Variants in RIMS2 observed in about 807,000 individuals in gnomAD.
The protein encoded by RIMS2 is regulating synaptic membrane exocytosis 2.
In RIMS2, 59 loss-of-function variants were observed where a neutral mutation model predicts 174.4. The observed-to-expected ratio is 0.34, with a 90% CI of 0.27 to 0.42. The LOEUF (loss-of-function observed/expected upper bound fraction) is 0.42, where lower values mean the gene tolerates loss of function less well. Among genes scored for constraint, RIMS2 ranks in the 10% least tolerant of loss-of-function variants. The probability of loss-of-function intolerance (pLI) is 1.00; values close to 1 mark genes in which losing one functional copy is unlikely to be tolerated. For missense variants in RIMS2, 1,620 were observed against 1,666.3 expected, an observed-to-expected ratio of 0.97 and a Z score of 0.48; for synonymous variants, 606 against 572.5, an observed-to-expected ratio of 1.06 and a Z score of -0.84.
chr8:103,508,387 G>C (rs1824711545), intron 1 of RIMS2, among the ~76,000 whole-genome samples: 1 of 151,558 alleles, frequency 6.6e-6, no homozygotes, highest in African/African-American at 2.4e-5. Flanking sequence ...ATGTTAGCTG[G>C]GCAGATTGTT....
chr8:104,090,204 G>A (rs1448588254), intron 19 of RIMS2, among the ~76,000 whole-genome samples: 1 of 151,540 alleles, frequency 6.6e-6, no homozygotes, highest in East Asian at 1.9e-4. Context: ...TGTGAAAAAA[G>A]GCATAAAACT....
chr8:103,582,076 C>T (rs1292626283), intron 1 of RIMS2, among the ~76,000 whole-genome samples: 1 of 152,048 alleles, frequency 6.6e-6, no homozygotes, highest in African/African-American at 2.4e-5. Flanking sequence ...CTTTGTCTTG[C>T]ATTTAGAATA....
intron 10 of RIMS2, among the ~76,000 whole-genome samples, chr8:103,924,722 A>G (rs1450272210): frequency 2.0e-5 from 3 of 151,840 alleles, no homozygotes; most frequent in Non-Finnish European, 3.0e-5. Context: ...TAGAAAATAT[A>G]TACATATAAT....
At chr8:103,647,241 T>A in intron 1 of RIMS2, among the ~76,000 whole-genome samples, 1 of 152,202 alleles carries the variant, frequency 6.6e-6, no homozygotes, top group East Asian at 1.9e-4. Flanking sequence ...GCCAGTATAT[T>A]GCATTTATGT....
intron 1 of RIMS2, among the ~76,000 whole-genome samples, chr8:103,601,924 A>C (rs2133787022): frequency 6.6e-6 from 1 of 152,172 alleles, no homozygotes; most frequent in Admixed American, 6.5e-5. Flanking sequence ...AACTTGACAA[A>C]ATCTAATAAA....
chr8:103,898,383 T>A (rs1370307826), intron 4 of RIMS2, among the ~76,000 whole-genome samples: 1 of 151,630 alleles, frequency 6.6e-6, no homozygotes, highest in Admixed American at 6.6e-5. Flanking sequence ...GTTCTGGTCC[T>A]TCTTGATAGG....
intron 19 of RIMS2, among the ~76,000 whole-genome samples, chr8:104,101,793 T>C (rs75036122): frequency 0.017 from 2,643 of 151,950 alleles, 133 homozygotes; most frequent in East Asian, 0.15. Context: ...TTATGTATGC[T>C]GCTAAATTTA....
intron 1 of RIMS2, among the ~76,000 whole-genome samples, chr8:103,664,954 G>T (rs1018855035): frequency 1.3e-5 from 2 of 152,132 alleles, no homozygotes; most frequent in Non-Finnish European, 2.9e-5. Flanking sequence ...CCATAAAAAA[G>T]GATGAGTTCA....
At chr8:103,920,771 C>T (rs918801874) in intron 9 of RIMS2, 10 of 448,356 alleles carry the variant, frequency 2.2e-5, no homozygotes, top group Non-Finnish European at 4.5e-5. Flanking sequence ...GGGCGGATCA[C>T]GAGGTCAGGA....
intron 11 of RIMS2, among the ~76,000 whole-genome samples, chr8:103,929,161 A>T (rs62527117): frequency 0.2 from 29,800 of 151,614 alleles, 3,581 homozygotes; most frequent in Middle Eastern, 0.36. Flanking sequence ...TTTGTAATTT[A>T]TACTTTAGTA....
chr8:103,633,766 G>A (rs566469050), intron 1 of RIMS2, among the ~76,000 whole-genome samples: 2 of 152,150 alleles, frequency 1.3e-5, no homozygotes, highest in Admixed American at 6.5e-5. Flanking sequence ...TTGGAAGGGT[G>A]TATGTGTCCA....
At chr8:103,887,462 T>G (rs2099210695) in intron 4 of RIMS2, among the ~76,000 whole-genome samples, 1 of 151,628 alleles carries the variant, frequency 6.6e-6, no homozygotes, top group Non-Finnish European at 1.5e-5. Flanking sequence ...AGCTCTTTAT[T>G]CGCTTCCAAA....
chr8:103,767,496 A>G (rs1174597848), intron 3 of RIMS2, among the ~76,000 whole-genome samples: 1 of 151,838 alleles, frequency 6.6e-6, no homozygotes. Context: ...ATTTTTCTAT[A>G]CCTTATTTTT....
At chr8:103,636,688 T>C (rs1230878197) in intron 1 of RIMS2, among the ~76,000 whole-genome samples, 1 of 152,094 alleles carries the variant, frequency 6.6e-6, no homozygotes, top group African/African-American at 2.4e-5. Flanking sequence ...TGCTATTTAT[T>C]TGGCCCTTCC....
intron 1 of RIMS2, among the ~76,000 whole-genome samples, chr8:103,570,483 C>G (rs529669112): frequency 6.6e-6 from 1 of 152,174 alleles, no homozygotes; most frequent in Non-Finnish European, 1.5e-5. Context: ...TCCTCTGATG[C>G]TTTGCTTCTC....
At chr8:104,113,278 G>A (rs192617672) in intron 19 of RIMS2, among the ~76,000 whole-genome samples, 1 of 152,206 alleles carries the variant, frequency 6.6e-6, no homozygotes, top group East Asian at 1.9e-4. Context: ...GTATCTAAAT[G>A]TGATGAATGC....
intron 19 of RIMS2, among the ~76,000 whole-genome samples, chr8:104,167,188 A>T (rs567841571): frequency 7.9e-5 from 12 of 152,252 alleles, no homozygotes; most frequent in Non-Finnish European, 1.5e-4. Flanking sequence ...TCTTTAAGTA[A>T]TCTCCATACT....
intron 19 of RIMS2, among the ~76,000 whole-genome samples, chr8:104,127,753 A>C (rs2098443794): frequency 6.6e-6 from 1 of 152,222 alleles, no homozygotes; most frequent in African/African-American, 2.4e-5. Context: ...AATAAAAAAG[A>C]AATAGAAATA....
chr8:104,100,032 GCT>G (rs1274116238), intron 19 of RIMS2, among the ~76,000 whole-genome samples: 2 of 151,864 alleles, frequency 1.3e-5, no homozygotes, highest in African/African-American at 4.8e-5. Context: ...TGTTGCCTGG[GCT>G]GGTTTCGAAC....
Sources: allele counts gnomAD v4.1 joint callset (sites outside exome capture counted in the v4.1 genomes callset), GRCh38; gene constraint gnomAD v4.1.1; transcripts MANE v1.5; gene names NCBI Gene and HGNC (gene_info 2026-07-23, HGNC 2026-07-21).